TRMT2B: variants seen among roughly 807,000 people sequenced by gnomAD.
TRMT2B encodes the protein tRNA (uracil-5-)-methyltransferase homolog B.
A neutral mutation model predicts 39.7 loss-of-function variants in TRMT2B; 34 were observed. The ratio of observed to expected loss-of-function variants is 0.86; its 90% CI spans 0.65 to 1.14. The LOEUF is 1.14. Ranked by LOEUF, TRMT2B falls within the 50% of genes most tolerant of loss-of-function variation. The pLI is 0.00. For missense variants in TRMT2B, 318 were observed against 377.2 expected (o/e 0.84, Z 1.30); for synonymous variants, 132 against 137.3 (o/e 0.96, Z 0.27).
chrX:100,984,108 T>C, the TRMT2B span, among the ~76,000 whole-genome samples: 5,833 of 108,189 alleles, frequency 0.054, 422 homozygotes, highest in African/African-American at 0.19. Flanking sequence ...TTCTTTTTTT[T>C]TTGTTTTTTG....
intron 13 of TRMT2B, chrX:101,013,852 C>T (rs5967226): frequency 0.48 from 52,711 of 109,499 alleles, 10,878 homozygotes; most frequent in African/African-American, 0.77. Flanking sequence ...CTTTGGGAGG[C>T]TGAGGTGGGA....
chrX:100,986,459 C>G, the TRMT2B span, among the ~76,000 whole-genome samples: 1 of 111,892 alleles, frequency 8.9e-6, no homozygotes, highest in Non-Finnish European at 1.9e-5. Flanking sequence ...AGAGCATGAA[C>G]AGAGTTTGGG....
At position 101,039,743 on chromosome X, in the gene TRMT2B, C is replaced by CA. The variant is rs773587234; in HGVS notation, c.303+1573dup. On this transcript the variant is annotated intron_variant, in intron 4 of 13. Transcript: ENST00000372936. The stretch of plus-strand genomic sequence containing the variant: ...CAAAACTCTGTCTCTACAACAAATA[C>CA]AAAAAAATTAGCCAGGCATAGTGGT... Among the ~76,000 whole-genome samples the CA allele has an allele frequency of 5.1e-3, 553 of 108,138 alleles. 3 individuals carry two copies. Among genetic ancestry groups the CA allele is most frequent in the African/African-American group, 0.017 (521 of 29,776 alleles). The allele number at this position is 108,138 out of a possible 115,157, so 93.9% of individuals were successfully genotyped here.
At chrX:101,040,046 C>T (rs1251236342) in intron 4 of TRMT2B, among the ~76,000 whole-genome samples, 1 of 110,829 alleles carries the variant, frequency 9.0e-6, no homozygotes, top group Non-Finnish European at 1.9e-5. Context: ...GTAATACCAG[C>T]ACTTGGGGAG....
intron 7 of TRMT2B, among the ~76,000 whole-genome samples, chrX:101,024,716 G>A (rs1016762906): frequency 1.8e-5 from 2 of 110,992 alleles, no homozygotes; most frequent in African/African-American, 6.6e-5. Flanking sequence ...TCAGCTACTT[G>A]GGAGGCTGAG....
the TRMT2B span, chrX:100,973,786 T>G: frequency 8.6e-7 from 1 of 1,160,796 alleles, no homozygotes; most frequent in South Asian, 1.8e-5. Context: ...TATTCCACTA[T>G]TTCCTCCCAC....
chrX:101,004,841 C>A (rs1434621015), downstream of TRMT2B, among the ~76,000 whole-genome samples: 1 of 111,189 alleles, frequency 9.0e-6, no homozygotes, highest in Non-Finnish European at 1.9e-5. Context: ...AGCCACTAGA[C>A]CTAACTTCAA....
the TRMT2B span, chrX:100,987,344 G>A: frequency 5.6e-4 from 665 of 1,180,643 alleles, 12 homozygotes; most frequent in East Asian, 0.019. Context: ...GGGCCCCAGG[G>A]GTCCCAGGCT....
the TRMT2B span, among the ~76,000 whole-genome samples, chrX:100,996,134 C>CTAGA: frequency 9.2e-6 from 1 of 109,140 alleles, no homozygotes; most frequent in Non-Finnish European, 1.9e-5. Flanking sequence ...GTGGATGGAA[C>CTAGA]TAGAGGTCAT....
At chrX:100,998,554 C>CAAAA in the TRMT2B span, among the ~76,000 whole-genome samples, 1 of 56,092 alleles carries the variant, frequency 1.8e-5, no homozygotes, top group Admixed American at 2.5e-4. Flanking sequence ...GATTCTGTCG[C>CAAAA]AAAAAAAAAA....
intron 2 of TRMT2B, among the ~76,000 whole-genome samples, chrX:101,048,495 A>C (rs1445919005): frequency 9.0e-6 from 1 of 110,710 alleles, no homozygotes; most frequent in Non-Finnish European, 1.9e-5. Context: ...GCTGGAGTGC[A>C]GTGGCACATT....
chrX:101,038,371 CAAAAAAAAAA>C (rs57481304), intron 4 of TRMT2B, among the ~76,000 whole-genome samples: 26 of 35,194 alleles, frequency 7.4e-4, no homozygotes, highest in African/African-American at 2.1e-3. Context: ...AACTCCGTCT[CAAAAAAAAAA>C]AAAAAAAAAA....
intron 7 of TRMT2B, among the ~76,000 whole-genome samples, chrX:101,027,239 T>TC (rs1212181330): frequency 3.7e-5 from 4 of 108,026 alleles, no homozygotes; most frequent in African/African-American, 1.3e-4. Context: ...TTTCTTTCTT[T>TC]TTTTTTTTTT....
the TRMT2B span, among the ~76,000 whole-genome samples, chrX:100,984,572 T>A: frequency 2.7e-5 from 3 of 112,655 alleles, no homozygotes; most frequent in Non-Finnish European, 5.6e-5. Context: ...GGAAGAGATA[T>A]GTGGGAGACA....
At chrX:101,013,907 G>A (rs1229376110) in intron 13 of TRMT2B, among the ~76,000 whole-genome samples, 1 of 110,276 alleles carries the variant, frequency 9.1e-6, no homozygotes, top group Non-Finnish European at 1.9e-5. Context: ...GAATAACATA[G>A]TAAGACCCTG....
chrX:101,027,013 ATTC>A (rs2087132338), intron 7 of TRMT2B, among the ~76,000 whole-genome samples: 1 of 110,951 alleles, frequency 9.0e-6, no homozygotes, highest in Non-Finnish European at 1.9e-5. Context: ...ACTGCCTCCC[ATTC>A]TTCTCCTTCT....
At chrX:101,028,112 C>CTTTTT (rs1161374681) in intron 7 of TRMT2B, among the ~76,000 whole-genome samples, 5 of 78,435 alleles carry the variant, frequency 6.4e-5, no homozygotes, top group South Asian at 6.0e-4. Context: ...ACTTCTTGCT[C>CTTTTT]TTTTTTTTTT....
chrX:101,000,726 C>T, the TRMT2B span, among the ~76,000 whole-genome samples: 1 of 110,835 alleles, frequency 9.0e-6, no homozygotes, highest in Non-Finnish European at 1.9e-5. Flanking sequence ...TCACACCAAA[C>T]ACCAGGCTTA....
the TRMT2B span, among the ~76,000 whole-genome samples, chrX:101,003,989 T>C: frequency 2.8e-4 from 31 of 109,298 alleles, no homozygotes; most frequent in African/African-American, 1.0e-3. Context: ...CACCACCACG[T>C]CCAGCTAATT....
Sources: allele counts gnomAD v4.1 joint callset (sites outside exome capture counted in the v4.1 genomes callset), GRCh38; gene constraint gnomAD v4.1.1; transcripts MANE v1.5; gene names NCBI Gene and HGNC (gene_info 2026-07-23, HGNC 2026-07-21).